Variants in PSPC1 observed in about 807,000 individuals in gnomAD.
PSPC1 encodes paraspeckle component 1.
Under a neutral mutation model 51.6 loss-of-function variants are expected in PSPC1, and 14 were observed. The observed-to-expected ratio is 0.27, with a 90% confidence interval of 0.18 to 0.42. The LOEUF is 0.42. Ranked by LOEUF, PSPC1 falls within the 10% of genes least tolerant of loss-of-function variation. PSPC1 has a pLI of 1.00. For synonymous variants in PSPC1, 193 were observed against 231.9 expected (o/e 0.83, Z 1.53); for missense variants, 406 against 701.1 (o/e 0.58, Z 4.75).
chr13:19,748,146 A>G (rs895413736), intron 4 of PSPC1, among the ~76,000 whole-genome samples: 38 of 152,130 alleles, frequency 2.5e-4, no homozygotes, highest in African/African-American at 8.9e-4. Context: ...TCAGAAGGCA[A>G]GAGGTAGGTC....
chr13:19,746,612 A>T (rs906830987), intron 4 of PSPC1, among the ~76,000 whole-genome samples: 16 of 151,804 alleles, frequency 1.1e-4, no homozygotes, highest in African/African-American at 3.1e-4. Context: ...GAGGGAGGAG[A>T]ATCACTTGAA....
At chr13:19,682,365 T>C (rs1460440098) in intron 6 of PSPC1, among the ~76,000 whole-genome samples, 3 of 151,462 alleles carry the variant, frequency 2.0e-5, no homozygotes, top group Non-Finnish European at 2.9e-5. Context: ...AGATTATACA[T>C]AGGTCAATGA....
In PSPC1 at chr13:19,726,832, A is replaced by G. The variant is rs1203029962; in HGVS notation, c.1158+3407T>C. Among the ~76,000 whole-genome samples, 6 of 152,344 alleles carry G rather than the reference A, an allele frequency of 3.9e-5. No homozygotes were observed. The South Asian group carries it at 1.0e-3, about 26-fold the overall frequency. ...GCCTCACAGTCCCTCGGGTGCTACA[A>G]TGGAATGCCTCTGACAAGCAAAGAA... On this transcript the variant is annotated intron_variant, in intron 6 of 8. Coordinates refer to ENST00000338910, the MANE Select transcript of PSPC1 (RefSeq NM_001354909.2).
At chr13:19,721,823 A>T (rs1030666379) in intron 6 of PSPC1, among the ~76,000 whole-genome samples, 2 of 152,196 alleles carry the variant, frequency 1.3e-5, no homozygotes, top group African/African-American at 4.8e-5. Context: ...AGCAAAAAAA[A>T]ATTGTTTCTT....
At chr13:19,736,441 T>C (rs1330216577) in intron 5 of PSPC1, among the ~76,000 whole-genome samples, 1 of 152,032 alleles carries the variant, frequency 6.6e-6, no homozygotes, top group Non-Finnish European at 1.5e-5. Context: ...CCCAGCACTT[T>C]GGGAGGCCGA....
At chr13:19,704,847 A>G (rs1047140779) in intron 8 of PSPC1, among the ~76,000 whole-genome samples, 1 of 152,232 alleles carries the variant, frequency 6.6e-6, no homozygotes, top group Non-Finnish European at 1.5e-5. Context: ...TTTACTAAAT[A>G]TAATTTAAAA....
intron 5 of PSPC1, among the ~76,000 whole-genome samples, chr13:19,731,720 T>C (rs1186500016): frequency 6.6e-6 from 1 of 152,168 alleles, no homozygotes; most frequent in Admixed American, 6.5e-5. Flanking sequence ...CGGCTGGAAC[T>C]TCCTGATAGC....
intron 1 of PSPC1, among the ~76,000 whole-genome samples, chr13:19,774,815 A>G (rs1235873543): frequency 1.3e-5 from 2 of 149,854 alleles, no homozygotes; most frequent in African/African-American, 4.9e-5. Context: ...CAAAAAAAAA[A>G]AAACAAAAAA....
intron 4 of PSPC1, among the ~76,000 whole-genome samples, chr13:19,746,173 G>A (rs574870959): frequency 6.6e-6 from 1 of 151,996 alleles, no homozygotes; most frequent in South Asian, 2.1e-4. Flanking sequence ...GGAGGCTGAG[G>A]TGGGCGGATC....
chr13:19,782,466 A>G lies in PSPC1; in HGVS notation c.292T>C (p.Phe98Leu). 1 of 1,611,792 alleles carries G rather than the reference A, an allele frequency of 6.2e-7. No individual in the cohort carries two copies. The highest frequency in any genetic ancestry group is 8.5e-7 in the Non-Finnish European group (1 of 1,178,984). Residue 98 changes from phenylalanine to leucine, a missense_variant, in exon 1 of 9, where the codon TTC becomes CTC. Phe to Leu is a conservative substitution (Grantham distance 22). Transcript: ENST00000338910. This position sits in a 1 kb window ranked among gnomAD's most constrained non-coding sequence, Gnocchi z 4.5. ...NLPTDITEED[F>L]KRLFERYGEP... ...CCATAGCGTTCGAAGAGCCTCTTGA[A>G]GTCCTCCTCCGTGATGTCGGTGGGC...
chr13:19,679,617 T>G (rs1395999263), intron 6 of PSPC1, among the ~76,000 whole-genome samples: 1 of 152,192 alleles, frequency 6.6e-6, no homozygotes, highest in Non-Finnish European at 1.5e-5. Context: ...GCATTTACAC[T>G]GTATGAGGTA....
At chr13:19,730,443 ATGC>A in intron 5 of PSPC1, 99 bp from the exon 6 acceptor site, 1 of 1,087,204 alleles carries the variant, frequency 9.2e-7, no homozygotes, top group Non-Finnish European at 1.4e-6. Context: ...CAATCATATT[ATGC>A]CAAACCTGTA....
downstream of PSPC1, chr13:19,671,802 G>C: frequency 6.2e-7 from 1 of 1,611,050 alleles, no homozygotes. Flanking sequence ...ATCTGGATCT[G>C]TACTGACACC....
At chr13:19,744,809 C>T (rs977377001) in intron 4 of PSPC1, among the ~76,000 whole-genome samples, 2 of 152,144 alleles carry the variant, frequency 1.3e-5, no homozygotes, top group Admixed American at 6.6e-5. Flanking sequence ...GTGATCCACC[C>T]GCCTTGGCCT....
intron 6 of PSPC1, among the ~76,000 whole-genome samples, chr13:19,724,840 A>G (rs909176974): frequency 1.3e-5 from 2 of 152,044 alleles, no homozygotes; most frequent in Admixed American, 1.3e-4. Context: ...CTCTACTAAA[A>G]ATACAAAAAT....
At chr13:19,776,387 GC>G (rs1889124582) in intron 1 of PSPC1, among the ~76,000 whole-genome samples, 1 of 152,042 alleles carries the variant, frequency 6.6e-6, no homozygotes, top group East Asian at 1.9e-4. Context: ...GATCACTTCA[GC>G]CCCGGAAGTG....
Position 19,782,741 on chromosome 13 carries a change from T to A in PSPC1, c.17A>T (p.Asn6Ile). The change falls in exon 1 of 9, where the codon AAC becomes ATC. Residue 6 changes from asparagine to isoleucine, a missense_variant. By Grantham distance (149) the Asn-to-Ile change is moderately radical. Coordinates refer to ENST00000338910, the MANE Select transcript of PSPC1 (RefSeq NM_001354909.2). The surrounding 1 kb of genome is among the most constrained non-coding windows in gnomAD (Gnocchi z 4.5). The part of the protein sequence containing the change: MMLRG[N>I]LKQVRIEKNP... ...TTTCTCAATGCGCACTTGCTTCAGG[T>A]TTCCTCTTAACATCATCTTACTGAG... The A allele has an allele frequency of 6.4e-7, 1 of 1,563,442 alleles. No homozygotes were observed. The highest frequency in any genetic ancestry group is 8.6e-7 in the Non-Finnish European group (1 of 1,167,684).
intron 4 of PSPC1, among the ~76,000 whole-genome samples, chr13:19,745,494 A>G (rs1017190879): frequency 6.6e-6 from 1 of 152,172 alleles, no homozygotes. Flanking sequence ...AAATTGCACA[A>G]GTCATGAAAA....
intron 6 of PSPC1, among the ~76,000 whole-genome samples, chr13:19,718,391 T>C (rs1432307198): frequency 6.6e-6 from 1 of 152,284 alleles, no homozygotes. Flanking sequence ...ATTGATAGAA[T>C]TGCAAATTAC....
Sources: gnomAD v4.1 joint callset for allele counts (sites outside exome capture counted in the v4.1 genomes callset) on GRCh38, gnomAD v4.1.1 for gene constraint, Gnocchi (gnomAD v3.1) non-coding constraint, MANE v1.5 for transcripts, NCBI Gene and HGNC (gene_info 2026-07-23, HGNC 2026-07-21) for gene names.